TDRD10: variants seen among roughly 807,000 people sequenced by gnomAD.
TDRD10 encodes tudor domain-containing protein 10.
Under a neutral mutation model 48.0 loss-of-function variants are expected in TDRD10, and 40 were observed. That is an observed-to-expected ratio of 0.83 (90% CI 0.65 to 1.09). The LOEUF (loss-of-function observed/expected upper bound fraction) is 1.09, where lower values mean the gene tolerates loss of function less well. Ranked by LOEUF, TDRD10 falls within the 50% of genes least tolerant of loss-of-function variation. TDRD10 has a pLI of 0.00. For missense variants in TDRD10, 378 were observed against 434.7 expected (o/e 0.87, Z 1.16); for synonymous variants, 162 against 170.4 (o/e 0.95, Z 0.38).
chr1:154,523,517 C>T (rs1017362466), intron 6 of TDRD10, among the ~76,000 whole-genome samples: 1 of 152,178 alleles, frequency 6.6e-6, no homozygotes, highest in African/African-American at 2.4e-5. Flanking sequence ...GGCCCTGGGA[C>T]CACATTTTAG....
chr1:154,534,999 A>G (rs1694843382), intron 6 of TDRD10, among the ~76,000 whole-genome samples: 1 of 152,252 alleles, frequency 6.6e-6, no homozygotes, highest in South Asian at 2.1e-4. Context: ...ATTTTAGAAT[A>G]CTAGGGATAA....
At chr1:154,503,433 CAA>C (rs1692932763) in intron 1 of TDRD10, among the ~76,000 whole-genome samples, 1 of 152,018 alleles carries the variant, frequency 6.6e-6, no homozygotes, top group Admixed American at 6.6e-5. Flanking sequence ...ACTAAAAATA[CAA>C]AAATTAGCCG....
intron 6 of TDRD10, among the ~76,000 whole-genome samples, chr1:154,527,260 T>TA (rs1694366049): frequency 6.6e-6 from 1 of 152,212 alleles, no homozygotes; most frequent in Non-Finnish European, 1.5e-5. Context: ...AAACCACAGA[T>TA]ACGGAAGACC....
rs1242768294 is a variant in TDRD10 at position 154,527,863 on chromosome 1, C to A, written c.369+6384C>A. ...GCTAAAAATGTTTTTTTTAATTACA[C>A]TTTTTATTTTGAGATTAATAGCAGA... On this transcript the variant is annotated intron_variant, in intron 6 of 12. Coordinates refer to ENST00000368482, the MANE Select transcript of TDRD10 (RefSeq NM_182499.4). 1.3e-5 allele frequency among the ~76,000 whole-genome samples: 2 copies of A among 152,072 alleles called. 1 individual carries two copies. Among genetic ancestry groups the A allele is most frequent in the African/African-American group, 4.8e-5 (2 of 41,406 alleles).
At chr1:154,508,606 A>T in intron 4 of TDRD10, 125 bp downstream of exon 4, 1 of 710,188 alleles carries the variant, frequency 1.4e-6, no homozygotes, top group Non-Finnish European at 2.6e-6. Context: ...GCAGACAGTC[A>T]CTCGTTGGTG....
At chr1:154,518,845 T>C (rs1693909919) in intron 4 of TDRD10, among the ~76,000 whole-genome samples, 1 of 152,184 alleles carries the variant, frequency 6.6e-6, no homozygotes, top group Admixed American at 6.5e-5. Flanking sequence ...CAAAAAAAGG[T>C]GGTGGACTGG....
At chr1:154,546,955 G>A (rs1695627413) in intron 11 of TDRD10, among the ~76,000 whole-genome samples, 1 of 152,126 alleles carries the variant, frequency 6.6e-6, no homozygotes, top group Non-Finnish European at 1.5e-5. Flanking sequence ...TGGGAGTTGC[G>A]TGAGGGACGA....
intron 4 of TDRD10, among the ~76,000 whole-genome samples, chr1:154,514,504 G>T (rs956115269): frequency 6.6e-6 from 1 of 152,084 alleles, no homozygotes; most frequent in Non-Finnish European, 1.5e-5. Flanking sequence ...TAGAAGCATG[G>T]TGATGGGCTT....
intron 6 of TDRD10, among the ~76,000 whole-genome samples, chr1:154,529,316 C>T (rs1694480180): frequency 6.6e-6 from 1 of 152,140 alleles, no homozygotes; most frequent in African/African-American, 2.4e-5. Context: ...TCAGGTGATC[C>T]ACCCATCTCA....
At chr1:154,542,403 A>T (rs1321550442) in intron 7 of TDRD10, among the ~76,000 whole-genome samples, 3 of 152,140 alleles carry the variant, frequency 2.0e-5, no homozygotes, top group African/African-American at 7.2e-5. Flanking sequence ...AATTGTTAAA[A>T]TTTTTTGTGA....
At chr1:154,522,150 A>G (rs997582000) in intron 6 of TDRD10, among the ~76,000 whole-genome samples, 1 of 152,184 alleles carries the variant, frequency 6.6e-6, no homozygotes, top group Non-Finnish European at 1.5e-5. Context: ...TTTCTTTCCT[A>G]TAGAAGTCAG....
chr1:154,543,841 C>T, intron 8 of TDRD10, 122 bp from the exon 9 acceptor site: 1 of 1,437,128 alleles, frequency 7.0e-7, no homozygotes, highest in Non-Finnish European at 9.4e-7. Context: ...CACAGCCTTT[C>T]TGCTTAGGGG....
At chr1:154,537,949 C>G (rs1695010191) in intron 6 of TDRD10, among the ~76,000 whole-genome samples, 1 of 152,194 alleles carries the variant, frequency 6.6e-6, no homozygotes, top group South Asian at 2.1e-4. Flanking sequence ...ACTGCTCTTG[C>G]AGCTATTGAG....
chr1:154,536,576 A>G (rs919676023), intron 6 of TDRD10, among the ~76,000 whole-genome samples: 18 of 152,196 alleles, frequency 1.2e-4, no homozygotes, highest in Admixed American at 6.5e-5. Context: ...GAACCCATTT[A>G]AGTGTACAGC....
At chr1:154,541,620 C>A (rs1695237324) in intron 6 of TDRD10, among the ~76,000 whole-genome samples, 1 of 152,092 alleles carries the variant, frequency 6.6e-6, no homozygotes, top group South Asian at 2.1e-4. Context: ...CCAGGCTTTT[C>A]TGTCCCCACC....
chr1:154,547,659 C>CTT lies in TDRD10; in HGVS notation c.1024-17_1024-16dup. 1 of 1,614,158 alleles carries CTT rather than the reference C, an allele frequency of 6.2e-7. No individual in the cohort carries two copies. The highest frequency in any genetic ancestry group is 8.5e-7 in the Non-Finnish European group (1 of 1,180,020). On this transcript the variant is annotated intron_variant, in intron 12 of 12. Coordinates refer to ENST00000368482, the MANE Select transcript of TDRD10 (RefSeq NM_182499.4). ...GGGTGGGCCTTCCTTCCCACCAAGG[C>CTT]TTTGTCTTTCTCTTCCAGTTGCACA...
intron 4 of TDRD10, chr1:154,509,830 C>T: frequency 1.0e-6 from 1 of 985,326 alleles, no homozygotes; most frequent in Non-Finnish European, 1.2e-6. Flanking sequence ...GTGAAGTGGG[C>T]AGAGGAGCCC....
chr1:154,517,227 T>G (rs73022023), intron 4 of TDRD10, among the ~76,000 whole-genome samples: 10,598 of 152,166 alleles, frequency 0.07, 1,251 homozygotes, highest in African/African-American at 0.24. Flanking sequence ...GGCAGGTGGT[T>G]GTTGATCCCT....
At chr1:154,518,612 G>C (rs774880108) in intron 4 of TDRD10, among the ~76,000 whole-genome samples, 2 of 152,142 alleles carry the variant, frequency 1.3e-5, no homozygotes, top group Non-Finnish European at 2.9e-5. Flanking sequence ...TGTATTTGTA[G>C]TAGAGACGGG....
Sources: gnomAD v4.1 joint callset for allele counts (sites outside exome capture counted in the v4.1 genomes callset) on GRCh38, gnomAD v4.1.1 for gene constraint, MANE v1.5 for transcripts, NCBI Gene and HGNC (gene_info 2026-07-23, HGNC 2026-07-21) for gene names.